ABCC11: variants seen among roughly 807,000 people sequenced by gnomAD.
ABCC11 encodes the protein ATP-binding cassette sub-family C member 11.
A neutral mutation model predicts 149.3 loss-of-function variants in ABCC11; 135 were observed. The observed-to-expected ratio is 0.90, with a 90% CI of 0.79 to 1.04. ABCC11 has a LOEUF of 1.04. Ranked by LOEUF, ABCC11 falls within the 50% of genes least tolerant of loss-of-function variation. The pLI is 0.00. For synonymous variants in ABCC11, 665 were observed against 671.4 expected (o/e 0.99, Z 0.15); for missense variants, 1,680 against 1,722.1 (o/e 0.98, Z 0.43).
intron 6 of ABCC11, among the ~76,000 whole-genome samples, chr16:48,221,557 G>C (rs1266506397): frequency 6.6e-6 from 1 of 152,106 alleles, no homozygotes; most frequent in East Asian, 1.9e-4. Context: ...ACCAAAAATT[G>C]CTTTTCCCTG....
Position 48,245,280 on chromosome 16 carries a change from A to G in ABCC11, c.-19+2034T>C, listed in dbSNP as rs557535265. Among the ~76,000 whole-genome samples the G allele has an allele frequency of 2.6e-5, 4 of 151,370 alleles. No homozygotes were observed. The East Asian group carries it at 7.8e-4, about 29-fold the overall frequency. ...CCTAGCTTCTCACCTCTGCTCCTTC[A>G]CTCATAACATTTCTTAGGCCCCAGG... On this transcript the variant is annotated intron_variant, in intron 1 of 29. Coordinates refer to ENST00000356608, the MANE Select transcript of ABCC11 (RefSeq NM_001370497.1).
chr16:48,178,805 T>G, intron 23 of ABCC11, 119 bp from the exon 24 acceptor site: 1 of 861,118 alleles, frequency 1.2e-6, no homozygotes, highest in Non-Finnish European at 1.8e-6. Context: ...ACTAAGATAA[T>G]TTTCCTAGCA....
intron 6 of ABCC11, among the ~76,000 whole-genome samples, chr16:48,220,101 A>G (rs1459646609): frequency 6.6e-6 from 1 of 152,194 alleles, no homozygotes; most frequent in Non-Finnish European, 1.5e-5. Context: ...TTATGCTTCT[A>G]TGAAGATGTT....
At chr16:48,192,759 G>A (rs769099117) in intron 19 of ABCC11, 42 bp from the exon 20 acceptor site, 1 of 1,592,686 alleles carries the variant, frequency 6.3e-7, no homozygotes, top group East Asian at 2.2e-5. Context: ...GTGTCCGGGG[G>A]AAATTCAGTG....
intron 20 of ABCC11, among the ~76,000 whole-genome samples, chr16:48,189,068 T>C (rs182416732): frequency 8.5e-5 from 13 of 152,360 alleles, no homozygotes; most frequent in African/African-American, 2.9e-4. Flanking sequence ...GGAGCAGATT[T>C]AAAGCCTCCT....
chr16:48,187,224 C>A lies in ABCC11; in HGVS notation c.2910G>T (p.Met970Ile). ...PYILLMGAIIMVICFIYYMMF... is the reference protein window; with the variant it reads ...PYILLMGAIIIVICFIYYMMF... ...ACATATAATAAATGAAGCAAATAAC[C>A]ATGATTATGGCTCCCATTAACAGGA... is the stretch of plus-strand genomic sequence containing the variant. Residue 970 changes from methionine (M) to isoleucine (I), a missense_variant, in exon 21 of 30, where the codon ATG becomes ATT. Coordinates refer to ENST00000356608, the MANE Select transcript of ABCC11 (RefSeq NM_001370497.1). 1 of 1,614,080 alleles carries A rather than the reference C, an allele frequency of 6.2e-7. No homozygotes were observed. Among genetic ancestry groups the A allele is most frequent in the Non-Finnish European group, 8.5e-7 (1 of 1,180,014 alleles).
intron 26 of ABCC11, among the ~76,000 whole-genome samples, chr16:48,172,104 A>G (rs1158099249): frequency 6.6e-6 from 1 of 152,188 alleles, no homozygotes; most frequent in African/African-American, 2.4e-5. Flanking sequence ...GGATTTGCCT[A>G]TTCCAGCTAC....
At chr16:48,212,807 A>G (rs1969034610) in intron 10 of ABCC11, among the ~76,000 whole-genome samples, 1 of 152,218 alleles carries the variant, frequency 6.6e-6, no homozygotes, top group East Asian at 1.9e-4. Flanking sequence ...GTGACTACAA[A>G]ATGACTTTTA....
At chr16:48,179,688 G>A (rs933120653) in intron 23 of ABCC11, among the ~76,000 whole-genome samples, 14 of 152,226 alleles carry the variant, frequency 9.2e-5, no homozygotes, top group African/African-American at 3.4e-4. Context: ...CTCCACAATG[G>A]AGAAGCCCTG....
chr16:48,225,077 A>G (rs1334613785), intron 4 of ABCC11, among the ~76,000 whole-genome samples: 1 of 150,196 alleles, frequency 6.7e-6, no homozygotes, highest in Non-Finnish European at 1.5e-5. Flanking sequence ...ATAACACTAC[A>G]GTCGGGTGCC....
At chr16:48,205,911 C>T (rs908577181) in intron 12 of ABCC11, among the ~76,000 whole-genome samples, 5 of 151,824 alleles carry the variant, frequency 3.3e-5, no homozygotes, top group African/African-American at 1.2e-4. Context: ...CCCGGGTTCA[C>T]ACCATTCTCC....
intron 28 of ABCC11, 105 bp downstream of exon 28, chr16:48,170,000 A>G (rs996871213): frequency 3.9e-6 from 3 of 766,224 alleles, no homozygotes; most frequent in African/African-American, 1.7e-5. Context: ...CGTACACCAC[A>G]GAGCCCAGTG....
chr16:48,196,866 C>T (rs1967466997), intron 17 of ABCC11, among the ~76,000 whole-genome samples: 2 of 152,200 alleles, frequency 1.3e-5, no homozygotes, highest in Admixed American at 1.3e-4. Context: ...ATAATTGTAA[C>T]AACAAACATC....
intron 1 of ABCC11, among the ~76,000 whole-genome samples, chr16:48,240,731 C>A (rs1970925129): frequency 6.6e-6 from 1 of 150,764 alleles, no homozygotes; most frequent in Non-Finnish European, 1.5e-5. Context: ...TACTTTTGCA[C>A]CAACCTAATA....
intron 23 of ABCC11, among the ~76,000 whole-genome samples, chr16:48,183,128 C>G (rs1966547148): frequency 6.6e-6 from 1 of 152,220 alleles, no homozygotes; most frequent in African/African-American, 2.4e-5. Flanking sequence ...CAGGTGTGTG[C>G]ACAGGCTCAC....
At chr16:48,244,925 C>T (rs1276439767) in intron 1 of ABCC11, among the ~76,000 whole-genome samples, 1 of 152,200 alleles carries the variant, frequency 6.6e-6, no homozygotes, top group Non-Finnish European at 1.5e-5. Flanking sequence ...CGGTCTTCAG[C>T]CTCCTAGGCC....
At chr16:48,194,099 A>G (rs1022682800) in intron 18 of ABCC11, 117 bp from the exon 19 acceptor site, 8 of 681,048 alleles carry the variant, frequency 1.2e-5, no homozygotes, top group African/African-American at 5.3e-5. Context: ...GCCCCACCCA[A>G]TGTGGACACC....
At chr16:48,243,346 G>C in intron 1 of ABCC11, among the ~76,000 whole-genome samples, 1 of 147,150 alleles carries the variant, frequency 6.8e-6, no homozygotes. Context: ...AGCTTGCAGT[G>C]AGCCGAGATC....
intron 23 of ABCC11, among the ~76,000 whole-genome samples, chr16:48,183,244 C>T (rs916238775): frequency 6.6e-6 from 1 of 152,258 alleles, no homozygotes; most frequent in Non-Finnish European, 1.5e-5. Flanking sequence ...GAGCCCTGGA[C>T]TGGTACAGCC....
Sources: allele counts gnomAD v4.1 joint callset (sites outside exome capture counted in the v4.1 genomes callset), GRCh38; gene constraint gnomAD v4.1.1; transcripts MANE v1.5; gene names NCBI Gene and HGNC (gene_info 2026-07-23, HGNC 2026-07-21).